SPAG1: variants seen among roughly 807,000 people sequenced by gnomAD.
SPAG1 encodes the protein sperm-associated antigen 1.
Under a neutral mutation model 100.5 loss-of-function variants are expected in SPAG1, and 69 were observed. The ratio of observed to expected loss-of-function variants is 0.69; its 90% CI spans 0.57 to 0.84. The LOEUF (loss-of-function observed/expected upper bound fraction) is 0.84, where lower values mean the gene tolerates loss of function less well. Ranked by LOEUF, SPAG1 falls within the 40% of genes least tolerant of loss-of-function variation. The pLI is 0.00. For synonymous variants in SPAG1, 336 were observed against 411.6 expected (o/e 0.82, Z 2.22); for missense variants, 955 against 1,133.1 (o/e 0.84, Z 2.26).
intron 1 of SPAG1, among the ~76,000 whole-genome samples, chr8:100,159,429 T>G (rs1283542906): frequency 6.6e-6 from 1 of 152,218 alleles, no homozygotes; most frequent in Non-Finnish European, 1.5e-5. Flanking sequence ...GGCAGGAATT[T>G]GGAGAAGTGG....
At chr8:100,236,134 C>T (rs1818994741) in intron 16 of SPAG1, among the ~76,000 whole-genome samples, 1 of 152,184 alleles carries the variant, frequency 6.6e-6, no homozygotes, top group Admixed American at 6.5e-5. Flanking sequence ...ATCATTAATA[C>T]TTCATTGGAC....
chr8:100,177,360 G>A (rs781336597), intron 3 of SPAG1, among the ~76,000 whole-genome samples: 7 of 151,854 alleles, frequency 4.6e-5, no homozygotes, highest in Admixed American at 1.3e-4. Flanking sequence ...AAATTATTAC[G>A]TATTATAGTG....
chr8:100,180,116 G>A (rs1816302222), intron 4 of SPAG1, among the ~76,000 whole-genome samples: 2 of 152,176 alleles, frequency 1.3e-5, no homozygotes, highest in Admixed American at 6.5e-5. Context: ...TGGATCACTT[G>A]AGCCCAGGAG....
At position 100,215,817 on chromosome 8, in the gene SPAG1, C is replaced by A. The variant is rs1343469152; in HGVS notation, c.1535+1899C>A. 2.0e-5 allele frequency among the ~76,000 whole-genome samples: 3 copies of A among 152,254 alleles called. No individual in the cohort carries two copies. In the East Asian group the frequency reaches 5.8e-4, roughly 29 times the overall value. On this transcript the variant is annotated intron_variant, in intron 12 of 18. Coordinates refer to ENST00000388798, the MANE Select transcript of SPAG1 (RefSeq NM_003114.5). ...GGGATTACAGGCGTGAGCCACCGCG[C>A]CCGGCCCAGTTTATTGATATGGGTA...
chr8:100,158,455 G>A (rs1563763712), upstream of SPAG1: 1 of 152,256 alleles, frequency 6.6e-6, no homozygotes, highest in South Asian at 2.1e-4. Context: ...GCAGGTCCTG[G>A]CGCCGCTGTA....
intron 14 of SPAG1, among the ~76,000 whole-genome samples, chr8:100,225,546 CT>C (rs1250019788): frequency 6.6e-6 from 1 of 151,916 alleles, no homozygotes; most frequent in African/African-American, 2.4e-5. Context: ...CTTGGCTCTG[CT>C]TCCTGGGTTC....
intron 12 of SPAG1, among the ~76,000 whole-genome samples, chr8:100,219,640 G>A (rs1404188129): frequency 1.3e-5 from 2 of 152,200 alleles, no homozygotes; most frequent in Non-Finnish European, 2.9e-5. Context: ...TACGTTAAAT[G>A]CTGAAGTAGC....
Position 100,241,227 on chromosome 8 carries a change from G to A in SPAG1, c.*205G>A. On this transcript the variant is annotated 3_prime_UTR_variant, in exon 19 of 19. Transcript: ENST00000388798. This position sits in a 1 kb window ranked among gnomAD's most constrained non-coding sequence, Gnocchi z 5.1. ...GTTGTAAATATTTTCTTATGTACCA[G>A]AACCAAATAAGTATATTTAGAACTT... 2.6e-6 allele frequency: 1 copy of A among 391,206 alleles called. No homozygotes were observed. Among genetic ancestry groups the A allele is most frequent in the East Asian group, 4.1e-5 (1 of 24,656 alleles). 24.2% of individuals were successfully genotyped at this position (391,206 alleles called of 1,614,324 possible). A position where few individuals can be genotyped will look rare whatever the true frequency, so the allele number is the denominator to read the frequency against.
At chr8:100,183,588 C>A in intron 5 of SPAG1, 152 bp downstream of exon 5, 1 of 460,048 alleles carries the variant, frequency 2.2e-6, no homozygotes. Context: ...CTGGCCTCAG[C>A]ACTTTTGATG....
At chr8:100,192,207 G>C (rs948316678) in intron 9 of SPAG1, among the ~76,000 whole-genome samples, 1 of 152,182 alleles carries the variant, frequency 6.6e-6, no homozygotes, top group Non-Finnish European at 1.5e-5. Flanking sequence ...GCTCACGTCT[G>C]TAATCCCAGC....
At chr8:100,188,004 C>T (rs1816658610) in intron 8 of SPAG1, among the ~76,000 whole-genome samples, 1 of 152,082 alleles carries the variant, frequency 6.6e-6, no homozygotes, top group Admixed American at 6.5e-5. Flanking sequence ...AGGCGTGCAC[C>T]ACCACGCCTG....
chr8:100,165,788 C>T (rs1815523371), intron 2 of SPAG1, 26 bp from the exon 3 acceptor site: 2 of 1,596,728 alleles, frequency 1.3e-6, no homozygotes, highest in South Asian at 2.3e-5. Flanking sequence ...GGTGCTAACT[C>T]TAAAACTTAT....
chr8:100,188,464 T>C (rs1816679132), intron 8 of SPAG1, among the ~76,000 whole-genome samples: 1 of 152,184 alleles, frequency 6.6e-6, no homozygotes, highest in Non-Finnish European at 1.5e-5. Context: ...CTGCTATAAA[T>C]AATTTAATTT....
At chr8:100,236,334 G>A (rs1335701054) in intron 16 of SPAG1, among the ~76,000 whole-genome samples, 1 of 152,114 alleles carries the variant, frequency 6.6e-6, no homozygotes, top group African/African-American at 2.4e-5. Context: ...AGAGAGACAG[G>A]GTCTCACTAT....
At chr8:100,162,172 T>A (rs1027091028) in intron 1 of SPAG1, 107 bp from the exon 2 acceptor site, 6 of 947,602 alleles carry the variant, frequency 6.3e-6, no homozygotes, top group South Asian at 5.0e-5. Context: ...CTACAAAAAA[T>A]TTTTAAAAAT....
At chr8:100,232,360 CT>C (rs1450550549) in intron 15 of SPAG1, among the ~76,000 whole-genome samples, 2 of 151,938 alleles carry the variant, frequency 1.3e-5, no homozygotes, top group African/African-American at 4.8e-5. Context: ...ATCCTTTTTC[CT>C]TTCTACGTAC....
chr8:100,202,973 C>G (rs151028180), intron 10 of SPAG1, among the ~76,000 whole-genome samples: 7 of 152,142 alleles, frequency 4.6e-5, no homozygotes, highest in African/African-American at 1.7e-4. Context: ...TGCACTCCAG[C>G]CTTGGCGTTT....
intron 13 of SPAG1, among the ~76,000 whole-genome samples, chr8:100,223,490 A>C (rs1266333234): frequency 6.6e-6 from 1 of 151,620 alleles, no homozygotes; most frequent in African/African-American, 2.4e-5. Context: ...ATCTGTTTAA[A>C]ATTTTTCACT....
intron 13 of SPAG1, among the ~76,000 whole-genome samples, chr8:100,223,836 A>AT (rs1035175570): frequency 1.6e-4 from 24 of 151,320 alleles, no homozygotes; most frequent in African/African-American, 5.6e-4. Context: ...ATTAATTTAA[A>AT]TTTTTTTTTA....
Sources: gnomAD v4.1 joint callset for allele counts (sites outside exome capture counted in the v4.1 genomes callset) on GRCh38, gnomAD v4.1.1 for gene constraint, Gnocchi (gnomAD v3.1) non-coding constraint, MANE v1.5 for transcripts, NCBI Gene and HGNC (gene_info 2026-07-23, HGNC 2026-07-21) for gene names.